The following COBL variants were observed in gnomAD, a reference collection of about 807,000 sequenced individuals.
The protein encoded by COBL is cordon-bleu WH2 repeat protein, also known as protein cordon-bleu.
A neutral mutation model predicts 98.8 loss-of-function variants in COBL; 51 were observed. That is an observed-to-expected ratio of 0.52 (90% confidence interval 0.41 to 0.65). The LOEUF is 0.65. Among genes scored for constraint, COBL ranks in the 30% least tolerant of loss-of-function variants. COBL has a pLI of 0.00. For synonymous variants in COBL, 634 were observed against 651.7 expected (o/e 0.97, Z 0.41); for missense variants, 1,617 against 1,617.5 (o/e 1.00, Z 0.01).
At position 51,237,566 on chromosome 7, in the gene COBL, T is replaced by C. The variant is rs1046869191; in HGVS notation, c.42-17622A>G. ...AAAAAAAAAAAAAAAACTTCCAAAATAGGAGAGGGTGTAGTAATACATATG... is the reference window on the plus strand; with the variant it reads ...AAAAAAAAAAAAAAAACTTCCAAAACAGGAGAGGGTGTAGTAATACATATG... On this transcript the variant is annotated intron_variant, in intron 1 of 12. Transcript: ENST00000265136. Among the ~76,000 whole-genome samples, 6 of 125,700 alleles carry C rather than the reference T, an allele frequency of 4.8e-5. No individual in the cohort carries two copies. The East Asian group carries it at 1.4e-3, about 30-fold the overall frequency. 82.5% of individuals were successfully genotyped at this position (125,700 alleles called of 152,430 possible).
At chr7:51,289,919 C>G (rs144750720) in intron 1 of COBL, among the ~76,000 whole-genome samples, 33 of 152,332 alleles carry the variant, frequency 2.2e-4, no homozygotes, top group Admixed American at 1.4e-3. Context: ...TATCTCTCCC[C>G]TCTCTGCCTT....
chr7:51,073,042 T>A (rs1562874195), intron 7 of COBL: 1 of 257,386 alleles, frequency 3.9e-6, no homozygotes, highest in Non-Finnish European at 7.2e-6. Flanking sequence ...AAACATGAAT[T>A]AATAATGAAT....
intron 12 of COBL, among the ~76,000 whole-genome samples, chr7:51,021,834 T>C (rs1458680139): frequency 1.3e-5 from 2 of 152,206 alleles, no homozygotes; most frequent in African/African-American, 2.4e-5. Flanking sequence ...ATCGCAAATG[T>C]CTCCTGTGAC....
chr7:51,177,934 T>C (rs1032076577), intron 5 of COBL, among the ~76,000 whole-genome samples: 1 of 151,638 alleles, frequency 6.6e-6, no homozygotes, highest in African/African-American at 2.4e-5. Flanking sequence ...CACATGAGAG[T>C]CAGGAGTTTG....
intron 8 of COBL, among the ~76,000 whole-genome samples, chr7:51,038,427 G>C (rs1788846961): frequency 6.6e-6 from 1 of 152,238 alleles, no homozygotes; most frequent in South Asian, 2.1e-4. Flanking sequence ...AGCTCTTGAG[G>C]AAATGGTGTT....
intron 6 of COBL, among the ~76,000 whole-genome samples, chr7:51,099,078 G>C (rs1340090659): frequency 2.7e-5 from 4 of 150,542 alleles, no homozygotes; most frequent in Non-Finnish European, 5.9e-5. Flanking sequence ...ACTTCCACTA[G>C]GATGGCCACT....
At chr7:51,152,742 G>A (rs1034575021) in intron 5 of COBL, among the ~76,000 whole-genome samples, 2 of 152,218 alleles carry the variant, frequency 1.3e-5, no homozygotes, top group Non-Finnish European at 1.5e-5. Flanking sequence ...ATATAAACAG[G>A]CTTGAAAGCA....
In COBL at chr7:51,226,522, T is replaced by TTGAGTGAGTGAGTGAGTGAGTGAG. The variant is rs3081930; in HGVS notation, c.42-6602_42-6579dup. Among the ~76,000 whole-genome samples, 740 of 150,542 alleles carry TTGAGTGAGTGAGTGAGTGAGTGAG rather than the reference T, an allele frequency of 4.9e-3. 4 individuals are homozygous for TTGAGTGAGTGAGTGAGTGAGTGAG. Among genetic ancestry groups the TTGAGTGAGTGAGTGAGTGAGTGAG allele is most frequent in the African/African-American group, 6.4e-3 (261 of 40,942 alleles). On this transcript the variant is annotated intron_variant, in intron 1 of 12. Transcript: ENST00000265136. ...GGGAAGGAATTCGGTCACCACTGCG[T>TTGAGTGAGTGAGTGAGTGAGTGAG]TGAGTGAGTGAGTGAGTGAGTGAGT...
chr7:51,240,669 C>G (rs1295545364), intron 1 of COBL, among the ~76,000 whole-genome samples: 2 of 151,620 alleles, frequency 1.3e-5, no homozygotes, highest in Non-Finnish European at 2.9e-5. Flanking sequence ...GCCTCAGCCT[C>G]CAGAGTAGCT....
intron 4 of COBL, among the ~76,000 whole-genome samples, chr7:51,187,126 G>A (rs1339106568): frequency 6.6e-6 from 1 of 152,072 alleles, no homozygotes; most frequent in Non-Finnish European, 1.5e-5. Context: ...GAATTGCAGA[G>A]TGGCAGAGAA....
chr7:51,286,718 A>C (rs1248175394), intron 1 of COBL, among the ~76,000 whole-genome samples: 1 of 152,240 alleles, frequency 6.6e-6, no homozygotes, highest in East Asian at 1.9e-4. Flanking sequence ...CAAAGAACTT[A>C]AGCATAACTA....
intron 1 of COBL, among the ~76,000 whole-genome samples, chr7:51,262,104 C>T (rs898305621): frequency 4.6e-5 from 7 of 152,306 alleles, no homozygotes; most frequent in African/African-American, 1.7e-4. Context: ...TGGCCAGTGG[C>T]AGCGCTCCTG....
At chr7:51,126,373 G>T (rs10254093) in intron 6 of COBL, among the ~76,000 whole-genome samples, 143,970 of 152,248 alleles carry the variant, frequency 0.95, 68,296 homozygotes, top group African/African-American at 0.99. Flanking sequence ...GAACAGATGT[G>T]GCCAGCACCG....
chr7:51,214,064 C>T (rs559321920), intron 2 of COBL, among the ~76,000 whole-genome samples: 1 of 152,018 alleles, frequency 6.6e-6, no homozygotes, highest in East Asian at 1.9e-4. Flanking sequence ...TCAGGAGTTC[C>T]AGACCAGCCT....
intron 1 of COBL, among the ~76,000 whole-genome samples, chr7:51,296,643 GTT>G (rs1172602658): frequency 6.6e-6 from 1 of 152,130 alleles, no homozygotes; most frequent in Non-Finnish European, 1.5e-5. Flanking sequence ...TTACGGAATA[GTT>G]TTTGTTTCAT....
chr7:51,253,038 C>T (rs1408628209), intron 1 of COBL, among the ~76,000 whole-genome samples: 5 of 152,034 alleles, frequency 3.3e-5, no homozygotes, highest in East Asian at 1.9e-4. Context: ...GACTGCTCAA[C>T]ATGACAAAAC....
chr7:51,281,806 GA>G (rs1384642317), intron 1 of COBL, among the ~76,000 whole-genome samples: 2 of 152,256 alleles, frequency 1.3e-5, no homozygotes, highest in East Asian at 3.9e-4. Context: ...AGATAGAATA[GA>G]AATAGTATGG....
intron 7 of COBL, among the ~76,000 whole-genome samples, chr7:51,049,672 C>A (rs551460850): frequency 6.6e-6 from 1 of 152,256 alleles, no homozygotes; most frequent in South Asian, 2.1e-4. Flanking sequence ...TGAACACAAG[C>A]ATGATTTTGG....
At chr7:51,121,771 T>C (rs192998355) in intron 6 of COBL, among the ~76,000 whole-genome samples, 1 of 152,310 alleles carries the variant, frequency 6.6e-6, no homozygotes, top group East Asian at 1.9e-4. Flanking sequence ...ACTTTTCTGA[T>C]TGTGGATTAT....
Sources: allele counts gnomAD v4.1 joint callset (sites outside exome capture counted in the v4.1 genomes callset), GRCh38; gene constraint gnomAD v4.1.1; transcripts MANE v1.5; gene names NCBI Gene and HGNC (gene_info 2026-07-23, HGNC 2026-07-21).